RABGAP1L: variants seen among roughly 807,000 people sequenced by gnomAD.
The protein encoded by RABGAP1L is rab GTPase-activating protein 1-like.
RABGAP1L carries 63 observed loss-of-function variants against 137.7 expected under a neutral mutation model. The ratio of observed to expected loss-of-function variants is 0.46; its 90% CI spans 0.37 to 0.56. The LOEUF is 0.56. Among genes scored for constraint, RABGAP1L ranks in the 20% least tolerant of loss-of-function variants. The pLI is 0.00. For missense variants in RABGAP1L, 1,095 were observed against 1,244.0 expected (o/e 0.88, Z 1.80); for synonymous variants, 431 against 433.7 (o/e 0.99, Z 0.08).
chr1:174,500,973 T>C (rs1210466089), intron 13 of RABGAP1L, among the ~76,000 whole-genome samples: 1 of 152,170 alleles, frequency 6.6e-6, no homozygotes, highest in Admixed American at 6.5e-5. Flanking sequence ...TTTTTACAAA[T>C]TCATTGCCTT....
chr1:174,205,372 T>C (rs527424523), intron 1 of RABGAP1L, among the ~76,000 whole-genome samples: 4 of 152,276 alleles, frequency 2.6e-5, no homozygotes, highest in Admixed American at 1.3e-4. Flanking sequence ...TACCAGCTCT[T>C]CTCTGTAGAT....
chr1:174,683,663 G>A (rs2148480738), intron 15 of RABGAP1L, 67 bp downstream of exon 15: 2 of 1,258,378 alleles, frequency 1.6e-6, no homozygotes, highest in Non-Finnish European at 2.3e-6. Flanking sequence ...TACTGGCTTT[G>A]TTCTTCCTTC....
At chr1:174,661,704 A>G (rs144995787) in intron 14 of RABGAP1L, among the ~76,000 whole-genome samples, 2,078 of 152,272 alleles carry the variant, frequency 0.014, 47 homozygotes, top group African/African-American at 0.046. Flanking sequence ...GTCTAGTAAG[A>G]TATACCATTA....
chr1:174,667,529 C>G (rs1009045227), intron 14 of RABGAP1L, among the ~76,000 whole-genome samples: 1 of 152,188 alleles, frequency 6.6e-6, no homozygotes, highest in Non-Finnish European at 1.5e-5. Context: ...AAGAACTTAG[C>G]ATTCCATCTG....
chr1:174,589,130 G>A (rs1669355116), intron 13 of RABGAP1L, among the ~76,000 whole-genome samples: 1 of 152,016 alleles, frequency 6.6e-6, no homozygotes, highest in Admixed American at 6.5e-5. Context: ...CTATTTTTTG[G>A]ATAAAAGCCA....
intron 19 of RABGAP1L, chr1:174,877,685 CATAA>C: frequency 7.1e-7 from 1 of 1,410,964 alleles, no homozygotes; most frequent in Non-Finnish European, 9.9e-7. Context: ...GCAACTGAGG[CATAA>C]CTTGCTGTTG....
chr1:174,211,117 C>T (rs1243020842), intron 1 of RABGAP1L, among the ~76,000 whole-genome samples: 3 of 152,042 alleles, frequency 2.0e-5, no homozygotes, highest in South Asian at 2.1e-4. Context: ...AAGAAAAGAA[C>T]GTTAATGAGC....
chr1:174,928,373 A>G (rs1663181132), intron 19 of RABGAP1L, among the ~76,000 whole-genome samples: 1 of 151,808 alleles, frequency 6.6e-6, no homozygotes, highest in Admixed American at 6.6e-5. Context: ...TATTTCATCT[A>G]CTAGACTTGT....
chr1:174,643,916 GGTGT>G (rs553946714), intron 14 of RABGAP1L, among the ~76,000 whole-genome samples: 176 of 145,712 alleles, frequency 1.2e-3, no homozygotes, highest in African/African-American at 3.8e-3. Flanking sequence ...CTTATATAGG[GGTGT>G]GTGTGTGTGT....
At chr1:174,595,470 C>T (rs1572436235) in intron 13 of RABGAP1L, among the ~76,000 whole-genome samples, 1 of 20,692 alleles carries the variant, frequency 4.8e-5, no homozygotes, top group East Asian at 1.7e-3. Flanking sequence ...TCTGTTTTTT[C>T]CCCATCTTTG....
intron 10 of RABGAP1L, among the ~76,000 whole-genome samples, chr1:174,283,941 CTTTAAT>C (rs1329208247): frequency 6.6e-6 from 1 of 152,142 alleles, no homozygotes; most frequent in African/African-American, 2.4e-5. Flanking sequence ...TTTACACATA[CTTTAAT>C]TTATCTCTAC....
intron 19 of RABGAP1L, among the ~76,000 whole-genome samples, chr1:174,864,530 C>G (rs1018733217): frequency 6.6e-6 from 1 of 152,100 alleles, no homozygotes; most frequent in Non-Finnish European, 1.5e-5. Flanking sequence ...GAGAAGAATG[C>G]GAGCAAAATG....
Position 174,334,498 on chromosome 1 carries a change from C to T in RABGAP1L, c.1465+29371C>T, listed in dbSNP as rs12026215. On this transcript the variant is annotated intron_variant, in intron 11 of 25. Transcript: ENST00000681986. Reference sequence around the variant, plus strand: ...TTCTGTTTACCATGATTCACAAAACCATACATAATCTTGCTGTCTGAGTTT... The same window carrying T: ...TTCTGTTTACCATGATTCACAAAACTATACATAATCTTGCTGTCTGAGTTT... Among the ~76,000 whole-genome samples, 8 of 152,302 alleles carry T rather than the reference C, an allele frequency of 5.3e-5. No individual in the cohort carries two copies. In the East Asian group the frequency reaches 1.3e-3, roughly 26 times the overall value.
chr1:174,572,101 G>A (rs947701100), intron 13 of RABGAP1L, among the ~76,000 whole-genome samples: 3 of 152,136 alleles, frequency 2.0e-5, no homozygotes, highest in Non-Finnish European at 4.4e-5. Flanking sequence ...TGAAATGCAG[G>A]GGATTTACAT....
intron 1 of RABGAP1L, among the ~76,000 whole-genome samples, chr1:174,207,569 A>T (rs931137013): frequency 1.3e-5 from 2 of 152,210 alleles, no homozygotes; most frequent in Non-Finnish European, 2.9e-5. Context: ...TTTAGAACTC[A>T]TGCAGTCCAA....
At chr1:174,254,123 C>T (rs1006153157) in intron 7 of RABGAP1L, among the ~76,000 whole-genome samples, 2 of 151,880 alleles carry the variant, frequency 1.3e-5, no homozygotes, top group Non-Finnish European at 2.9e-5. Flanking sequence ...GGTAGGCTAT[C>T]TAGCTCCACT....
chr1:174,670,970 A>C (rs1205730316), intron 14 of RABGAP1L, among the ~76,000 whole-genome samples: 3 of 152,152 alleles, frequency 2.0e-5, no homozygotes, highest in African/African-American at 7.2e-5. Flanking sequence ...GCCTCCAAAC[A>C]GTTCTCCATA....
At chr1:174,285,177 C>T (rs531157246) in intron 10 of RABGAP1L, among the ~76,000 whole-genome samples, 204 of 152,088 alleles carry the variant, frequency 1.3e-3, no homozygotes, top group African/African-American at 2.9e-3. Context: ...CCACCACGCC[C>T]GGCTAATTTT....
intron 14 of RABGAP1L, among the ~76,000 whole-genome samples, chr1:174,655,015 A>T (rs1471506895): frequency 1.3e-5 from 2 of 152,136 alleles, no homozygotes; most frequent in Non-Finnish European, 2.9e-5. Flanking sequence ...ATATTTCCAG[A>T]TTTCTGTGTA....
Sources: allele counts gnomAD v4.1 joint callset (sites outside exome capture counted in the v4.1 genomes callset), GRCh38; gene constraint gnomAD v4.1.1; transcripts MANE v1.5; gene names NCBI Gene and HGNC (gene_info 2026-07-23, HGNC 2026-07-21).